Variants in OSBPL3 observed in about 807,000 individuals in gnomAD.
The protein encoded by OSBPL3 is oxysterol-binding protein-related protein 3.
Under a neutral mutation model 120.1 loss-of-function variants are expected in OSBPL3, and 65 were observed. That is an observed-to-expected ratio of 0.54 (90% CI 0.44 to 0.67). The LOEUF (loss-of-function observed/expected upper bound fraction) is 0.67. Among genes scored for constraint, OSBPL3 ranks in the 30% least tolerant of loss-of-function variants. OSBPL3 has a pLI of 0.00. For synonymous variants in OSBPL3, 416 were observed against 402.6 expected (o/e 1.03, Z -0.40); for missense variants, 1,004 against 1,082.1 (o/e 0.93, Z 1.01).
rs1795031967 is a variant in OSBPL3 at position 24,820,807 on chromosome 7, G to A, written c.1885-569C>T. 8.8e-6 allele frequency among the ~76,000 whole-genome samples: 1 copy of A among 113,436 alleles called. No individual in the cohort carries two copies. The allele number at this position is 113,436 out of a possible 152,430, so 74.4% of individuals were successfully genotyped here. A position where few individuals can be genotyped will look rare whatever the true frequency, so the allele number is the denominator to read the frequency against. ...TGCAAGGTAATTTTTTTAAAAAAGA[G>A]TGTTTCTATTAAAAAAAAAAAAGGT... On this transcript the variant is annotated intron_variant, in intron 16 of 22. Coordinates refer to ENST00000313367, the MANE Select transcript of OSBPL3 (RefSeq NM_015550.4). The surrounding 1 kb of genome is among the most constrained non-coding windows in gnomAD (Gnocchi z 4.6).
At position 24,894,271 on chromosome 7, in the gene OSBPL3, T is replaced by C. The variant is rs1251717182; in HGVS notation, c.-149-1650A>G. On this transcript the variant is annotated intron_variant, in intron 1 of 22. Transcript: ENST00000313367. The surrounding 1 kb of genome is among the most constrained non-coding windows in gnomAD (Gnocchi z 4.1). ...GAGCCATAGAGCTCAATTCCCATGT[T>C]ACTCTTAGGTAACTCCCCAAATCTC... is the stretch of plus-strand genomic sequence containing the variant. Among the ~76,000 whole-genome samples the C allele has an allele frequency of 6.6e-6, 1 of 152,216 alleles. No individual in the cohort carries two copies. Among genetic ancestry groups the C allele is most frequent in the South Asian group, 2.1e-4 (1 of 4,832 alleles).
intron 1 of OSBPL3, among the ~76,000 whole-genome samples, chr7:24,925,131 T>C (rs1810885457): frequency 6.6e-6 from 1 of 152,208 alleles, no homozygotes; most frequent in South Asian, 2.1e-4. Flanking sequence ...CCATGTATGT[T>C]AGCACAGAGT....
intron 1 of OSBPL3, among the ~76,000 whole-genome samples, chr7:24,928,036 T>G (rs1811282700): frequency 6.6e-6 from 1 of 152,054 alleles, no homozygotes; most frequent in East Asian, 1.9e-4. Context: ...TTCAAAAGTG[T>G]GTAGCACCTC....
At chr7:24,836,725 A>G (rs962140125) in intron 14 of OSBPL3, among the ~76,000 whole-genome samples, 14 of 152,204 alleles carry the variant, frequency 9.2e-5, no homozygotes, top group Non-Finnish European at 1.8e-4. Context: ...AAAGCCAATC[A>G]CTGAATAAAG....
chr7:24,929,931 C>A (rs1360262937), intron 1 of OSBPL3, among the ~76,000 whole-genome samples: 1 of 152,086 alleles, frequency 6.6e-6, no homozygotes, highest in Non-Finnish European at 1.5e-5. Flanking sequence ...TATTGTTCAG[C>A]CTCGTATATC....
chr7:24,818,315 ATATAAGT>A lies in OSBPL3; in HGVS notation c.1949-1634_1949-1628del, dbSNP rs1226195735. Among the ~76,000 whole-genome samples the A allele has an allele frequency of 6.6e-6, 1 of 152,210 alleles. No individual in the cohort carries two copies. The highest frequency in any genetic ancestry group is 2.4e-5 in the African/African-American group (1 of 41,444). On this transcript the variant is annotated intron_variant, in intron 17 of 22. Coordinates refer to ENST00000313367, the MANE Select transcript of OSBPL3 (RefSeq NM_015550.4). This position sits in a 1 kb window ranked among gnomAD's most constrained non-coding sequence, Gnocchi z 4.0. ...ACTTTACACGGGTGAATGATATGGT[ATATAAGT>A]TATATGTTCATAAAATTGTTACCAA...
At chr7:24,810,101 C>A in intron 19 of OSBPL3, 150 bp from the exon 20 acceptor site, 1 of 721,640 alleles carries the variant, frequency 1.4e-6, no homozygotes, top group East Asian at 2.5e-5. Context: ...GTTTTTTTAA[C>A]CGACAAATAA....
intron 1 of OSBPL3, among the ~76,000 whole-genome samples, chr7:24,944,610 A>T (rs1390505897): frequency 6.8e-6 from 1 of 147,692 alleles, no homozygotes; most frequent in Non-Finnish European, 1.5e-5. Flanking sequence ...ATCTTGGGTG[A>T]AAGAGCGAGA....
chr7:24,945,615 T>C (rs1186939482), intron 1 of OSBPL3, among the ~76,000 whole-genome samples: 1 of 152,170 alleles, frequency 6.6e-6, no homozygotes, highest in East Asian at 1.9e-4. Flanking sequence ...TCTGATACGG[T>C]GAAATGATTA....
At chr7:24,807,520 C>T (rs973431436) in intron 20 of OSBPL3, among the ~76,000 whole-genome samples, 1 of 131,664 alleles carries the variant, frequency 7.6e-6, no homozygotes, top group African/African-American at 2.6e-5. Flanking sequence ...ATAATAATAA[C>T]AACAATAAAT....
rs563960388 is a variant in OSBPL3, at chr7:24,833,643, T to C, written c.1746+843A>G. Among the ~76,000 whole-genome samples the C allele has an allele frequency of 2.6e-5, 4 of 152,194 alleles. No individual in the cohort carries two copies. The highest frequency in any genetic ancestry group is 4.1e-4 in the South Asian group (2 of 4,834). The stretch of plus-strand genomic sequence containing the variant: ...AAATGCCCAGGAGAGAGACTCTGCA[T>C]CTGGGGGACACTGCTGTCCCAGCAT... On this transcript the variant is annotated intron_variant, in intron 15 of 22. Transcript: ENST00000313367. This position sits in a 1 kb window ranked among gnomAD's most constrained non-coding sequence, Gnocchi z 4.4.
rs879760653 is a variant in OSBPL3 at position 24,890,669 on chromosome 7, C to T, written c.96+1708G>A. The stretch of plus-strand genomic sequence containing the variant: ...CTTAATAAATTCTCCACCTTCTCTG[C>T]CACAGAGGAAATATAAGTGTCTCCA... On this transcript the variant is annotated intron_variant, in intron 2 of 22. Coordinates refer to ENST00000313367, the MANE Select transcript of OSBPL3 (RefSeq NM_015550.4). 2.0e-5 allele frequency among the ~76,000 whole-genome samples: 3 copies of T among 152,128 alleles called. No individual in the cohort carries two copies. The South Asian group carries it at 6.2e-4, about 32-fold the overall frequency.
chr7:24,912,806 T>A lies in OSBPL3; in HGVS notation c.-149-20185A>T, dbSNP rs76483109. Among the ~76,000 whole-genome samples the A allele has an allele frequency of 1.2e-4, 19 of 152,316 alleles. No homozygotes were observed. The East Asian group carries it at 3.7e-3, about 29-fold the overall frequency. On this transcript the variant is annotated intron_variant, in intron 1 of 22. Transcript: ENST00000313367. The surrounding 1 kb of genome is among the most constrained non-coding windows in gnomAD (Gnocchi z 4.5). Reference sequence around the variant, plus strand: ...GACACTTCTTCATCAATAGATGGCTTCTATATTCCCATCCTTCAAATTTGA... The same window carrying A: ...GACACTTCTTCATCAATAGATGGCTACTATATTCCCATCCTTCAAATTTGA...
intron 22 of OSBPL3, 151 bp from the exon 23 acceptor site, chr7:24,800,430 G>T: frequency 2.2e-5 from 9 of 412,746 alleles, no homozygotes; most frequent in East Asian, 1.4e-4. Context: ...CTGGGAATTA[G>T]ATGTCCAGAA....
chr7:24,858,392 G>C (rs1282352257), intron 10 of OSBPL3, among the ~76,000 whole-genome samples: 1 of 152,228 alleles, frequency 6.6e-6, no homozygotes, highest in Non-Finnish European at 1.5e-5. Flanking sequence ...CTTCGAGTTT[G>C]AATGTATGGA....
chr7:24,818,505 A>G lies in OSBPL3; in HGVS notation c.1948+1670T>C, dbSNP rs1265136106. Among the ~76,000 whole-genome samples the G allele has an allele frequency of 3.9e-5, 6 of 152,238 alleles. No homozygotes were observed. Among genetic ancestry groups the G allele is most frequent in the Admixed American group, 2.6e-4 (4 of 15,284 alleles). Reference sequence around the variant, plus strand: ...TCTCACTATATGAAACTGGCATAATATTATTTGATGATATTAAAAATATAT... The same window carrying G: ...TCTCACTATATGAAACTGGCATAATGTTATTTGATGATATTAAAAATATAT... On this transcript the variant is annotated intron_variant, in intron 17 of 22. Transcript: ENST00000313367. The surrounding 1 kb of genome is among the most constrained non-coding windows in gnomAD (Gnocchi z 4.0).
chr7:24,820,076 C>T lies in OSBPL3; in HGVS notation c.1948+99G>A. The T allele has an allele frequency of 3.5e-6, 3 of 846,314 alleles. No homozygotes were observed. The highest frequency in any genetic ancestry group is 5.7e-5 in the East Asian group (2 of 35,392). 52.4% of individuals were successfully genotyped at this position (846,314 alleles called of 1,614,324 possible). A position where few individuals can be genotyped will look rare whatever the true frequency, so the allele number is the denominator to read the frequency against. On this transcript the variant is annotated intron_variant, in intron 17 of 22. Transcript: ENST00000313367. The surrounding 1 kb of genome is among the most constrained non-coding windows in gnomAD (Gnocchi z 4.6). ...TCCAACCAGGCCCAAATCCAAGGAC[C>T]ACTTTTGATCTCAGTAAGAATTGAC...
intron 1 of OSBPL3, among the ~76,000 whole-genome samples, chr7:24,893,998 A>G (rs951071429): frequency 6.6e-6 from 1 of 152,164 alleles, no homozygotes; most frequent in African/African-American, 2.4e-5. Context: ...ATATATATAT[A>G]TATCTCCAAC....
rs1018625925 is a variant in OSBPL3, at chr7:24,822,695, A to G, written c.1885-2457T>C. On this transcript the variant is annotated intron_variant, in intron 16 of 22. Coordinates refer to ENST00000313367, the MANE Select transcript of OSBPL3 (RefSeq NM_015550.4). This position sits in a 1 kb window ranked among gnomAD's most constrained non-coding sequence, Gnocchi z 5.8. ...GTATGGCCGAATGTAAACACAGTAT[A>G]TAAAAACCATACGCCTCTTCTGTAA... Among the ~76,000 whole-genome samples, 1 of 152,254 alleles carries G rather than the reference A, an allele frequency of 6.6e-6. No homozygotes were observed. Among genetic ancestry groups the G allele is most frequent in the African/African-American group, 2.4e-5 (1 of 41,464 alleles).
Sources: allele counts gnomAD v4.1 joint callset (sites outside exome capture counted in the v4.1 genomes callset), GRCh38; gene constraint gnomAD v4.1.1; non-coding constraint Gnocchi (gnomAD v3.1); transcripts MANE v1.5; gene names NCBI Gene and HGNC (gene_info 2026-07-23, HGNC 2026-07-21).